TSHZ2: variants seen among roughly 807,000 people sequenced by gnomAD.
TSHZ2 encodes teashirt homolog 2.
A neutral mutation model predicts 74.4 loss-of-function variants in TSHZ2; 21 were observed. The observed-to-expected ratio is 0.28, with a 90% CI of 0.20 to 0.41. The LOEUF (loss-of-function observed/expected upper bound fraction) is 0.41. TSHZ2 is among the 10% of genes least tolerant of loss of function. The probability of loss-of-function intolerance (pLI) is 1.00; values close to 1 mark genes in which losing one functional copy is unlikely to be tolerated. For missense variants in TSHZ2, 1,244 were observed against 1,293.5 expected (o/e 0.96, Z 0.59); for synonymous variants, 540 against 515.3 (o/e 1.05, Z -0.65).
chr20:53,282,043 T>C (rs1185698231), intron 2 of TSHZ2, among the ~76,000 whole-genome samples: 1 of 152,142 alleles, frequency 6.6e-6, no homozygotes, highest in African/African-American at 2.4e-5. Context: ...GGATATAGTA[T>C]CCAAAATCCA....
chr20:52,984,566 G>C (rs6063896), intron 1 of TSHZ2, among the ~76,000 whole-genome samples: 52,552 of 151,988 alleles, frequency 0.35, 9,898 homozygotes, highest in Non-Finnish European at 0.44. Context: ...GGCCGGAGCA[G>C]ACGGGGAGGG....
intron 2 of TSHZ2, among the ~76,000 whole-genome samples, chr20:53,449,082 C>G (rs1320018459): frequency 6.6e-6 from 1 of 152,180 alleles, no homozygotes; most frequent in Non-Finnish European, 1.5e-5. Context: ...GTATCAGAGT[C>G]TCTAATGACT....
chr20:53,202,983 C>T (rs890823420), intron 1 of TSHZ2, among the ~76,000 whole-genome samples: 3 of 152,124 alleles, frequency 2.0e-5, no homozygotes, highest in East Asian at 1.9e-4. Context: ...ATGAATCATA[C>T]GTAGGCAGAT....
chr20:53,185,561 A>C, intron 1 of TSHZ2: 1 of 1,474,464 alleles, frequency 6.8e-7, no homozygotes, highest in Non-Finnish European at 9.1e-7. Context: ...CAGAGGTTGC[A>C]GTGAGCTGAG....
chr20:53,300,739 A>G (rs1991463074), intron 2 of TSHZ2, among the ~76,000 whole-genome samples: 1 of 152,152 alleles, frequency 6.6e-6, no homozygotes, highest in Non-Finnish European at 1.5e-5. Flanking sequence ...TCCAGTTTCA[A>G]ATATGTTTCT....
intron 2 of TSHZ2, among the ~76,000 whole-genome samples, chr20:53,335,762 A>C (rs1449906506): frequency 6.6e-6 from 1 of 152,148 alleles, no homozygotes; most frequent in Non-Finnish European, 1.5e-5. Flanking sequence ...TACTCAGGGA[A>C]CCTGCTGTTA....
intron 2 of TSHZ2, among the ~76,000 whole-genome samples, chr20:53,411,552 AG>A (rs1461299318): frequency 1.3e-5 from 2 of 152,194 alleles, no homozygotes; most frequent in African/African-American, 2.4e-5. Context: ...CCTAAGGCTG[AG>A]GATGATGGCT....
Position 53,011,987 on chromosome 20 carries a change from A to AT in TSHZ2, c.40+38656dup, listed in dbSNP as rs558911766. 8.5e-5 allele frequency among the ~76,000 whole-genome samples: 13 copies of AT among 152,322 alleles called. No individual in the cohort carries two copies. In the East Asian group the frequency reaches 2.5e-3, roughly 29 times the overall value. On this transcript the variant is annotated intron_variant, in intron 1 of 2. Coordinates refer to ENST00000371497, the MANE Select transcript of TSHZ2 (RefSeq NM_173485.6). ...AGATGAGAAAAGGGAAGCACAGAGA[A>AT]TTGAGAAACGGGGTCTTATGCTAGT...
rs1359079972 is a variant in TSHZ2 at position 53,253,941 on chromosome 20, C to G, written c.483C>G (p.Ser161Arg). ...ERRNCDTRNGSNKSDFDWHQD... is the reference protein window; with the variant it reads ...ERRNCDTRNGRNKSDFDWHQD... ...GGAACTGTGACACCCGAAACGGCAG[C>G]AACAAGAGTGATTTTGATTGGCACC... Residue 161 changes from serine to arginine, a missense_variant, in exon 2 of 3, where the codon AGC (serine) becomes AGG (arginine). Around this residue, in one of 6 missense-constraint regions of TSHZ2, gnomAD observed 470 missense variants for 456.5 expected, o/e 1.03. Coordinates refer to ENST00000371497, the MANE Select transcript of TSHZ2 (RefSeq NM_173485.6). 1 of 1,614,180 alleles carries G rather than the reference C, an allele frequency of 6.2e-7. No individual in the cohort carries two copies.
At chr20:53,129,005 C>T (rs8120851) in intron 1 of TSHZ2, among the ~76,000 whole-genome samples, 14 of 152,176 alleles carry the variant, frequency 9.2e-5, no homozygotes, top group African/African-American at 3.1e-4. Flanking sequence ...ATCAAAGGCC[C>T]ATGAAGTGAA....
rs1378548216 is a variant in TSHZ2, at chr20:53,484,678, G to GCT, written c.*9-2464_*9-2463dup. ...TGGGATTACAGGCGTGCACCACCAT[G>GCT]CTCGTCCTTTATCTCTCATTTTTAA... On this transcript the variant is annotated intron_variant, in intron 2 of 2. Coordinates refer to ENST00000371497, the MANE Select transcript of TSHZ2 (RefSeq NM_173485.6). Among the ~76,000 whole-genome samples the GCT allele has an allele frequency of 8.5e-5, 13 of 152,196 alleles. 1 individual carries two copies. Among genetic ancestry groups the GCT allele is most frequent in the African/African-American group, 3.1e-4 (13 of 41,526 alleles).
chr20:53,471,685 T>C (rs1466078865), intron 2 of TSHZ2, among the ~76,000 whole-genome samples: 1 of 151,866 alleles, frequency 6.6e-6, no homozygotes, highest in Non-Finnish European at 1.5e-5. Context: ...CCAGTGTTCT[T>C]GGTATATATC....
intron 1 of TSHZ2, among the ~76,000 whole-genome samples, chr20:53,090,504 A>G (rs1415927348): frequency 6.6e-6 from 1 of 152,182 alleles, no homozygotes; most frequent in Non-Finnish European, 1.5e-5. Flanking sequence ...CAGAGTGAGG[A>G]GTTCCTTCCA....
At chr20:53,110,867 T>C (rs547910263) in intron 1 of TSHZ2, among the ~76,000 whole-genome samples, 12 of 151,348 alleles carry the variant, frequency 7.9e-5, no homozygotes, top group African/African-American at 2.9e-4. Flanking sequence ...TTCTGGAAGA[T>C]GCAGCTGAGT....
intron 1 of TSHZ2, among the ~76,000 whole-genome samples, chr20:53,133,084 C>G (rs1426908105): frequency 1.3e-5 from 2 of 152,184 alleles, no homozygotes; most frequent in African/African-American, 2.4e-5. Context: ...TCCTGACCTT[C>G]TTTTTCCCTC....
At position 53,255,345 on chromosome 20, in the gene TSHZ2, T is replaced by C. The variant is rs375317659; in HGVS notation, c.1887T>C (p.Ser629=). The change falls in exon 2 of 3, where the codon AGT becomes AGC. Residue 629 remains serine (S), a synonymous_variant. Transcript: ENST00000371497. This position sits in a 1 kb window ranked among gnomAD's most constrained non-coding sequence, Gnocchi z 4.1. ...AAGAGGCCTCATCTTTCAGCCACAG[T>C]GAGGGCGATTCTTTCCGCAAAAGTG... ...PHEEASSFSH[S]EGDSFRKSET... 3.3e-5 allele frequency: 53 copies of C among 1,614,102 alleles called. No individual in the cohort carries two copies. The highest frequency in any genetic ancestry group is 1.3e-4 in the East Asian group (6 of 44,882).
intron 1 of TSHZ2, among the ~76,000 whole-genome samples, chr20:53,028,349 C>G (rs979051751): frequency 6.6e-6 from 1 of 152,240 alleles, no homozygotes; most frequent in Non-Finnish European, 1.5e-5. Flanking sequence ...CCCGATGTGG[C>G]CATCTTTAAA....
At chr20:53,176,275 C>T (rs1308015093) in intron 1 of TSHZ2, among the ~76,000 whole-genome samples, 2 of 152,188 alleles carry the variant, frequency 1.3e-5, no homozygotes, top group Admixed American at 1.3e-4. Flanking sequence ...TCAAAGAATG[C>T]CTCATAGACT....
At chr20:53,069,394 A>T (rs557448823) in intron 1 of TSHZ2, among the ~76,000 whole-genome samples, 34 of 152,138 alleles carry the variant, frequency 2.2e-4, no homozygotes, top group African/African-American at 8.2e-4. Context: ...TTAGAATTCC[A>T]TCTGTCCCGT....
Sources: allele counts gnomAD v4.1 joint callset (sites outside exome capture counted in the v4.1 genomes callset), GRCh38; gene constraint gnomAD v4.1.1; regional missense constraint gnomAD v4.1.1; non-coding constraint Gnocchi (gnomAD v3.1); transcripts MANE v1.5; gene names NCBI Gene and HGNC (gene_info 2026-07-23, HGNC 2026-07-21).